RANBP17: variants seen among roughly 807,000 people sequenced by gnomAD.
RANBP17 encodes RAN binding protein 17, also known as ran-binding protein 17.
RANBP17 carries 158 observed loss-of-function variants against 141.2 expected under a neutral mutation model. That is an observed-to-expected ratio of 1.12 (90% CI 0.98 to 1.28). RANBP17 has a LOEUF of 1.28. Ranked by LOEUF, RANBP17 falls within the 50% of genes most tolerant of loss-of-function variation. RANBP17 has a pLI of 0.00. For synonymous variants in RANBP17, 430 were observed against 450.0 expected (o/e 0.96, Z 0.56); for missense variants, 1,438 against 1,290.7 (o/e 1.11, Z -1.75).
At chr5:170,985,122 C>A (rs1300881011) in intron 14 of RANBP17, among the ~76,000 whole-genome samples, 1 of 151,382 alleles carries the variant, frequency 6.6e-6, no homozygotes, top group Non-Finnish European at 1.5e-5. Context: ...CAAACACATA[C>A]ATACACAAAC....
chr5:171,191,175 T>G lies in RANBP17; in HGVS notation c.2038+7745T>G, dbSNP rs1561748356. 3.9e-5 allele frequency among the ~76,000 whole-genome samples: 6 copies of G among 152,204 alleles called. No homozygotes were observed. In the South Asian group the frequency reaches 1.2e-3, roughly 32 times the overall value. ...TCACTAGCTTAAATTTAAGAAATCTTGAATGACGAATGACTTGAATAACAA... is the reference window on the plus strand; with the variant it reads ...TCACTAGCTTAAATTTAAGAAATCTGGAATGACGAATGACTTGAATAACAA... On this transcript the variant is annotated intron_variant, in intron 18 of 27. Coordinates refer to ENST00000523189, the MANE Select transcript of RANBP17 (RefSeq NM_022897.5).
At chr5:170,912,886 A>G (rs911747679) in intron 7 of RANBP17, among the ~76,000 whole-genome samples, 3 of 151,992 alleles carry the variant, frequency 2.0e-5, no homozygotes, top group African/African-American at 7.2e-5. Flanking sequence ...AATGAATGAA[A>G]AAAGATATTC....
intron 5 of RANBP17, chr5:170,904,010 A>G: frequency 2.1e-6 from 1 of 481,812 alleles, no homozygotes. Context: ...AGATGTTTTC[A>G]AATGCCTTTA....
intron 14 of RANBP17, among the ~76,000 whole-genome samples, chr5:171,052,094 G>T (rs59774342): frequency 0.026 from 4,000 of 152,098 alleles, 160 homozygotes; most frequent in African/African-American, 0.09. Context: ...TTTTTAAATT[G>T]GGTCGTTTGA....
intron 14 of RANBP17, among the ~76,000 whole-genome samples, chr5:171,066,251 C>T (rs894498059): frequency 6.6e-6 from 1 of 152,114 alleles, no homozygotes; most frequent in Non-Finnish European, 1.5e-5. Context: ...CCATATTGTA[C>T]AATAGTCTTC....
At chr5:171,072,042 G>A (rs1260876185) in intron 14 of RANBP17, among the ~76,000 whole-genome samples, 1 of 152,098 alleles carries the variant, frequency 6.6e-6, no homozygotes, top group Non-Finnish European at 1.5e-5. Context: ...GAACTTGCCA[G>A]TAAGTGTGAT....
chr5:171,056,691 A>T (rs571606680), intron 14 of RANBP17, among the ~76,000 whole-genome samples: 173 of 152,328 alleles, frequency 1.1e-3, no homozygotes, highest in African/African-American at 3.9e-3. Context: ...AAGATGAATT[A>T]GGTTAGAAAA....
chr5:170,882,917 T>C (rs2127361313), intron 3 of RANBP17, among the ~76,000 whole-genome samples: 1 of 152,314 alleles, frequency 6.6e-6, no homozygotes, highest in Middle Eastern at 3.4e-3. Context: ...TCTTTGTTCA[T>C]ATTAGAAATA....
intron 14 of RANBP17, among the ~76,000 whole-genome samples, chr5:171,111,001 T>C (rs926716413): frequency 6.6e-6 from 1 of 151,814 alleles, no homozygotes; most frequent in African/African-American, 2.4e-5. Context: ...CCCAATGCTA[T>C]CCCTCCCCTC....
At chr5:171,218,073 G>A (rs1763329617) in intron 21 of RANBP17, among the ~76,000 whole-genome samples, 1 of 152,184 alleles carries the variant, frequency 6.6e-6, no homozygotes, top group African/African-American at 2.4e-5. Flanking sequence ...GTGTCCCAGA[G>A]ATTCTAGTAC....
At chr5:171,024,634 C>T (rs936861828) in intron 14 of RANBP17, among the ~76,000 whole-genome samples, 1 of 152,096 alleles carries the variant, frequency 6.6e-6, no homozygotes, top group Non-Finnish European at 1.5e-5. Context: ...TTCTAGAAAT[C>T]GTTTCTTCTT....
intron 24 of RANBP17, among the ~76,000 whole-genome samples, chr5:171,258,801 T>C (rs767362097): frequency 6.6e-6 from 1 of 152,150 alleles, no homozygotes; most frequent in Non-Finnish European, 1.5e-5. Context: ...GGAAAACTCT[T>C]CTGAACATTG....
chr5:171,080,043 T>C (rs1785167819), intron 14 of RANBP17, among the ~76,000 whole-genome samples: 1 of 151,808 alleles, frequency 6.6e-6, no homozygotes. Context: ...CCTGATAACA[T>C]TTTTTTTACC....
intron 14 of RANBP17, among the ~76,000 whole-genome samples, chr5:171,033,283 T>C (rs1027742127): frequency 1.3e-5 from 2 of 152,164 alleles, no homozygotes; most frequent in Non-Finnish European, 2.9e-5. Context: ...CGCTCTTCAG[T>C]TGAAATAAAT....
intron 22 of RANBP17, among the ~76,000 whole-genome samples, chr5:171,222,492 CTGAA>C (rs1402256885): frequency 6.6e-6 from 1 of 152,220 alleles, no homozygotes; most frequent in African/African-American, 2.4e-5. Context: ...CACACAGTGA[CTGAA>C]TGGCAACTGA....
At chr5:171,137,571 G>GGGGTGTGTGTGTGT (rs757634108) in intron 14 of RANBP17, among the ~76,000 whole-genome samples, 3 of 63,046 alleles carry the variant, frequency 4.8e-5, no homozygotes, top group African/African-American at 1.5e-4. Context: ...GTTGACTTGA[G>GGGGTGTGTGTGTGT]ATGTGTGTGT....
chr5:170,946,629 C>T (rs1285025815), intron 12 of RANBP17, among the ~76,000 whole-genome samples: 2 of 152,006 alleles, frequency 1.3e-5, no homozygotes, highest in East Asian at 3.8e-4. Flanking sequence ...AACACATGAC[C>T]TTTTTTTAAG....
intron 14 of RANBP17, among the ~76,000 whole-genome samples, chr5:171,094,466 T>G (rs895570380): frequency 6.6e-6 from 1 of 152,212 alleles, no homozygotes; most frequent in Admixed American, 6.5e-5. Context: ...TTCTCATTAT[T>G]ATCATTGTTA....
chr5:170,888,881 G>C (rs1769373647), intron 3 of RANBP17, among the ~76,000 whole-genome samples: 1 of 151,940 alleles, frequency 6.6e-6, no homozygotes, highest in African/African-American at 2.4e-5. Context: ...TCTATTCCTA[G>C]TTTGCTGAGA....
Sources: allele counts gnomAD v4.1 joint callset (sites outside exome capture counted in the v4.1 genomes callset), GRCh38; gene constraint gnomAD v4.1.1; transcripts MANE v1.5; gene names NCBI Gene and HGNC (gene_info 2026-07-23, HGNC 2026-07-21).